Variants in NALF1 observed in about 807,000 individuals in gnomAD.
NALF1 encodes family with sequence similarity 155 member A.
A neutral mutation model predicts 48.4 loss-of-function variants in NALF1; 3 were observed. That is an observed-to-expected ratio of 0.06 (90% CI 0.03 to 0.16). The LOEUF is 0.16. Ranked by LOEUF, NALF1 falls within the 10% of genes least tolerant of loss-of-function variation. NALF1 has a pLI of 1.00. For synonymous variants in NALF1, 262 were observed against 245.7 expected, an observed-to-expected ratio of 1.07 and a Z score of -0.62; for missense variants, 526 against 571.5, an observed-to-expected ratio of 0.92 and a Z score of 0.81.
intron 1 of NALF1, among the ~76,000 whole-genome samples, chr13:107,676,946 A>G (rs1327322488): frequency 6.6e-6 from 1 of 152,264 alleles, no homozygotes; most frequent in Non-Finnish European, 1.5e-5. Flanking sequence ...TCTACCTGCT[A>G]TAACACCCTA....
At chr13:107,722,055 T>C (rs770926954) in intron 1 of NALF1, among the ~76,000 whole-genome samples, 3 of 152,106 alleles carry the variant, frequency 2.0e-5, no homozygotes, top group East Asian at 3.9e-4. Flanking sequence ...GAAATAGAGA[T>C]ATCCTGGTAG....
chr13:107,679,204 C>T (rs1881212212), intron 1 of NALF1, among the ~76,000 whole-genome samples: 1 of 152,050 alleles, frequency 6.6e-6, no homozygotes, highest in Non-Finnish European at 1.5e-5. Flanking sequence ...TTTTTCATAA[C>T]CTTGTAAATC....
At chr13:107,646,410 G>A (rs991808605) in intron 1 of NALF1, among the ~76,000 whole-genome samples, 23 of 151,890 alleles carry the variant, frequency 1.5e-4, no homozygotes, top group Non-Finnish European at 2.4e-4. Context: ...CATCTGATGG[G>A]ATTTTCGTCT....
chr13:107,336,290 T>C (rs1316083523), intron 1 of NALF1, among the ~76,000 whole-genome samples: 1 of 151,744 alleles, frequency 6.6e-6, no homozygotes, highest in African/African-American at 2.4e-5. Flanking sequence ...GAGGTGAAGG[T>C]TGCAGTGAGC....
chr13:107,467,966 T>A (rs141952572), intron 1 of NALF1, among the ~76,000 whole-genome samples: 1 of 149,732 alleles, frequency 6.7e-6, no homozygotes, highest in South Asian at 2.1e-4. Flanking sequence ...GAGAATGGCG[T>A]GAACCCGGGA....
intron 1 of NALF1, among the ~76,000 whole-genome samples, chr13:107,465,516 G>A (rs1884988263): frequency 6.6e-6 from 1 of 152,068 alleles, no homozygotes; most frequent in South Asian, 2.1e-4. Context: ...AAGTAGTTCA[G>A]AGGAGATCTA....
intron 2 of NALF1, among the ~76,000 whole-genome samples, chr13:107,203,820 G>A (rs1879574247): frequency 6.6e-6 from 1 of 152,250 alleles, no homozygotes; most frequent in Non-Finnish European, 1.5e-5. Flanking sequence ...ACCAGGCAAG[G>A]TGTAGCAATG....
chr13:107,345,083 C>CTACA (rs905972004), intron 1 of NALF1, among the ~76,000 whole-genome samples: 1 of 151,698 alleles, frequency 6.6e-6, no homozygotes, highest in Non-Finnish European at 1.5e-5. Flanking sequence ...ATAATAGCAG[C>CTACA]TACACACACA....
At chr13:107,290,425 A>C (rs889163083) in intron 1 of NALF1, among the ~76,000 whole-genome samples, 14 of 152,112 alleles carry the variant, frequency 9.2e-5, no homozygotes, top group African/African-American at 3.4e-4. Flanking sequence ...ACCTGGTGGG[A>C]GATAATTGAA....
At chr13:107,494,105 T>C (rs1252168311) in intron 1 of NALF1, among the ~76,000 whole-genome samples, 1 of 138,626 alleles carries the variant, frequency 7.2e-6, no homozygotes, top group African/African-American at 3.5e-5. Flanking sequence ...TGAGACTCAA[T>C]TGTTAGAACT....
chr13:107,421,892 A>G (rs1884194965), intron 1 of NALF1, among the ~76,000 whole-genome samples: 1 of 152,186 alleles, frequency 6.6e-6, no homozygotes, highest in African/African-American at 2.4e-5. Context: ...TCCTAGTACA[A>G]AACTTTGGAA....
At chr13:107,544,673 T>C (rs902665193) in intron 1 of NALF1, among the ~76,000 whole-genome samples, 5 of 152,184 alleles carry the variant, frequency 3.3e-5, no homozygotes, top group Non-Finnish European at 5.9e-5. Context: ...CATCTCAGTG[T>C]AGCAGCTTTT....
intron 1 of NALF1, among the ~76,000 whole-genome samples, chr13:107,585,205 A>C (rs990594988): frequency 6.6e-6 from 1 of 152,172 alleles, no homozygotes; most frequent in Non-Finnish European, 1.5e-5. Context: ...AAATCAAATA[A>C]AGAATATCTT....
Position 107,163,929 on chromosome 13 carries a change from A to G in NALF1, c.*6568T>C, listed in dbSNP as rs1029278652. On this transcript the variant is annotated 3_prime_UTR_variant, in exon 3 of 3. Coordinates refer to ENST00000375915, the MANE Select transcript of NALF1 (RefSeq NM_001080396.3). ...AAAGAAAGCAAGAGGTTTTCTTTTAACGTCCATATAGAGCTTTAACTTTTG... is the reference window on the plus strand; with the variant it reads ...AAAGAAAGCAAGAGGTTTTCTTTTAGCGTCCATATAGAGCTTTAACTTTTG... The G allele has an allele frequency of 1.3e-5, 2 of 152,232 alleles. No homozygotes were observed. The highest frequency in any genetic ancestry group is 2.4e-5 in the African/African-American group (1 of 41,466). 9.4% of individuals were successfully genotyped at this position (152,232 alleles called of 1,614,324 possible).
chr13:107,797,554 A>T (rs1878467159), intron 1 of NALF1, among the ~76,000 whole-genome samples: 1 of 152,172 alleles, frequency 6.6e-6, no homozygotes, highest in Non-Finnish European at 1.5e-5. Flanking sequence ...TTTGCTTAGT[A>T]AGTAATCCAC....
At chr13:107,454,132 C>T (rs1357193417) in intron 1 of NALF1, among the ~76,000 whole-genome samples, 2 of 152,156 alleles carry the variant, frequency 1.3e-5, no homozygotes, top group East Asian at 3.9e-4. Context: ...TTCCTGTTTT[C>T]TTCTGAGCTT....
intron 1 of NALF1, among the ~76,000 whole-genome samples, chr13:107,485,931 T>C (rs959077778): frequency 1.1e-4 from 17 of 152,328 alleles, no homozygotes; most frequent in African/African-American, 2.9e-4. Context: ...TCTAAGATAA[T>C]TACACTCTTG....
At chr13:107,787,080 C>T (rs1011250061) in intron 1 of NALF1, among the ~76,000 whole-genome samples, 2 of 152,174 alleles carry the variant, frequency 1.3e-5, no homozygotes, top group African/African-American at 2.4e-5. Flanking sequence ...TACACCTACT[C>T]CTGACCTACA....
chr13:107,674,240 C>G (rs1417921168), intron 1 of NALF1, among the ~76,000 whole-genome samples: 1 of 152,016 alleles, frequency 6.6e-6, no homozygotes, highest in Non-Finnish European at 1.5e-5. Flanking sequence ...CAGATATAAC[C>G]CACAAACAAA....
Sources: allele counts gnomAD v4.1 joint callset (sites outside exome capture counted in the v4.1 genomes callset), GRCh38; gene constraint gnomAD v4.1.1; transcripts MANE v1.5; gene names NCBI Gene and HGNC (gene_info 2026-07-23, HGNC 2026-07-21).